Variants in SPON2 observed in about 807,000 individuals in gnomAD.
SPON2 encodes the protein spondin 2, also known as spondin-2.
In SPON2, 32 loss-of-function variants were observed where a neutral mutation model predicts 29.9. That is an observed-to-expected ratio of 1.07 (90% CI 0.81 to 1.44). The LOEUF is 1.44. Ranked by LOEUF, SPON2 falls within the 40% of genes most tolerant of loss-of-function variation. The pLI, the probability that SPON2 is intolerant of heterozygous loss-of-function variation, is 0.00. For missense variants in SPON2, 541 were observed against 455.5 expected (o/e 1.19, Z -1.71); for synonymous variants, 248 against 209.1 (o/e 1.19, Z -1.61).
At chr4:1,185,164 C>T (rs1727767827) in intron 1 of SPON2, among the ~76,000 whole-genome samples, 1 of 151,432 alleles carries the variant, frequency 6.6e-6, no homozygotes, top group South Asian at 2.1e-4. Flanking sequence ...GCCTCCGTCT[C>T]CTGGGTTCAA....
intron 1 of SPON2, among the ~76,000 whole-genome samples, chr4:1,191,382 T>C (rs1727911229): frequency 6.6e-6 from 1 of 152,138 alleles, no homozygotes; most frequent in Non-Finnish European, 1.5e-5. Flanking sequence ...CCTCAGCAAA[T>C]GGTGCTCAGA....
chr4:1,176,960 C>T (rs1271889983), upstream of SPON2, among the ~76,000 whole-genome samples: 1 of 152,220 alleles, frequency 6.6e-6, no homozygotes, highest in Non-Finnish European at 1.5e-5. Context: ...AAAGGAGTGA[C>T]CCCACTAGGC....
upstream of SPON2, among the ~76,000 whole-genome samples, chr4:1,174,434 C>T (rs1225153564): frequency 6.8e-6 from 1 of 146,252 alleles, no homozygotes; most frequent in African/African-American, 2.6e-5. Flanking sequence ...TTGTAGTGAG[C>T]CAAGATCGCG....
At chr4:1,192,886 C>T (rs1028579895) in intron 1 of SPON2, among the ~76,000 whole-genome samples, 8 of 152,162 alleles carry the variant, frequency 5.3e-5, no homozygotes, top group African/African-American at 9.7e-5. Context: ...GAAGCAAGGC[C>T]GAGTGGAAGG....
At chr4:1,186,958 A>C (rs1311436708) in intron 1 of SPON2, among the ~76,000 whole-genome samples, 2 of 152,220 alleles carry the variant, frequency 1.3e-5, no homozygotes, top group East Asian at 3.8e-4. Flanking sequence ...TCCTATGAAA[A>C]ACACGATAAG....
intron 5 of SPON2, 123 bp from the exon 6 acceptor site, chr4:1,167,779 T>C (rs1317717146): frequency 7.4e-6 from 8 of 1,079,916 alleles, no homozygotes; most frequent in Non-Finnish European, 1.0e-5. Context: ...TCGGGGGCAC[T>C]TGCGTTTCTC....
At chr4:1,174,224 T>C (rs550101081), upstream of SPON2, among the ~76,000 whole-genome samples, 1 of 150,624 alleles carries the variant, frequency 6.6e-6, no homozygotes, top group African/African-American at 2.4e-5. Flanking sequence ...GTGAGACTCA[T>C]GCCTGTAATC....
chr4:1,192,792 C>G (rs1190081514), intron 1 of SPON2, among the ~76,000 whole-genome samples: 1 of 152,208 alleles, frequency 6.6e-6, no homozygotes, highest in African/African-American at 2.4e-5. Context: ...CAGGGAGATG[C>G]CACCGGCCAA....
intron 1 of SPON2, among the ~76,000 whole-genome samples, chr4:1,186,355 G>T (rs1407495874): frequency 6.6e-6 from 1 of 151,888 alleles, no homozygotes; most frequent in African/African-American, 2.4e-5. Flanking sequence ...CCAGGCTGGG[G>T]TGCAGTGGTG....
In SPON2 at chr4:1,202,627, G is replaced by T. The variant is rs1239394095; in HGVS notation, c.-234+5253C>A. Among the ~76,000 whole-genome samples, 3 of 151,932 alleles carry T rather than the reference G, an allele frequency of 2.0e-5. No individual in the cohort carries two copies. Among genetic ancestry groups the T allele is most frequent in the Non-Finnish European group, 2.9e-5 (2 of 67,974 alleles). Reference sequence around the variant, plus strand: ...AGTCTCCTGCCTGCCGCTCTCCCAGGCTGTGCTTGCTCGCTGGTGGCCCTG... The same window carrying T: ...AGTCTCCTGCCTGCCGCTCTCCCAGTCTGTGCTTGCTCGCTGGTGGCCCTG... On this transcript the variant is annotated intron_variant, in intron 1 of 3. Coordinates refer to the SPON2 transcript ENST00000509233. The surrounding 1 kb of genome is among the most constrained non-coding windows in gnomAD (Gnocchi z 5.4).
chr4:1,167,400 A>C lies in SPON2; in HGVS notation c.*72T>G. ...ACCCCCTGTGCCCTCGGCCGCCTGC[A>C]GCATGAGCCTGCACAGGAGCCCCCG... On this transcript the variant is annotated 3_prime_UTR_variant, in exon 6 of 6. Transcript: ENST00000290902. 1 of 1,475,876 alleles carries C rather than the reference A, an allele frequency of 6.8e-7. No individual in the cohort carries two copies. Among genetic ancestry groups the C allele is most frequent in the East Asian group, 2.3e-5 (1 of 43,524 alleles). 91.4% of individuals were successfully genotyped at this position (1,475,876 alleles called of 1,614,324 possible). A position where few individuals can be genotyped will look rare whatever the true frequency, so the allele number is the denominator to read the frequency against.
chr4:1,194,781 G>A (rs1728005289), intron 1 of SPON2, among the ~76,000 whole-genome samples: 1 of 152,058 alleles, frequency 6.6e-6, no homozygotes, highest in Non-Finnish European at 1.5e-5. Context: ...GGCAGTGGAA[G>A]GAAAAACACT....
At chr4:1,201,261 C>T (rs566235022) in intron 1 of SPON2, 29 of 393,748 alleles carry the variant, frequency 7.4e-5, no homozygotes, top group Middle Eastern at 7.9e-4. Flanking sequence ...GCCCCATGCC[C>T]GCCCTACCTG....
intron 1 of SPON2, among the ~76,000 whole-genome samples, chr4:1,194,612 G>A (rs534013639): frequency 6.6e-6 from 1 of 152,190 alleles, no homozygotes; most frequent in Non-Finnish European, 1.5e-5. Context: ...GCCCCGGGAA[G>A]AGTCCCCCTG....
rs753393610 is a variant in SPON2 at position 1,170,527 on chromosome 4, C to T, written c.686G>A (p.Arg229Gln). The change falls in exon 5 of 6, where the codon CGG (arginine) becomes CAG (glutamine). Residue 229 changes from arginine (R) to glutamine (Q), a missense_variant. Transcript: ENST00000290902. ...GGCGATGGGAGGCAGGGCCTTCAGC[C>T]GCGGGTAGTAGAAGGAGTTGGCCGG... The part of the protein sequence containing the change: ...SHPANSFYYP[R>Q]LKALPPIARV... 1.8e-5 allele frequency: 29 copies of T among 1,613,784 alleles called. No homozygotes were observed. Among genetic ancestry groups the T allele is most frequent in the East Asian group, 4.5e-5 (2 of 44,882 alleles).
intron 1 of SPON2, chr4:1,200,717 G>A (rs1007780695): frequency 9.3e-6 from 4 of 431,322 alleles, no homozygotes; most frequent in Admixed American, 2.5e-5. Context: ...CGTGGACATC[G>A]CTGGACGGGG....
chr4:1,200,045 G>A (rs914918429), upstream of SPON2: 1 of 152,226 alleles, frequency 6.6e-6, no homozygotes, highest in African/African-American at 2.4e-5. Context: ...AACGGCGCAC[G>A]GCCTAGGAAA....
chr4:1,193,778 G>A (rs1484100581), intron 1 of SPON2, among the ~76,000 whole-genome samples: 1 of 31,024 alleles, frequency 3.2e-5, no homozygotes, highest in East Asian at 9.4e-4. Context: ...GGGGGGTGGC[G>A]TGGGAAGGAC....
chr4:1,167,816 A>G (rs577444119), intron 5 of SPON2, 160 bp from the exon 6 acceptor site: 1 of 683,510 alleles, frequency 1.5e-6, no homozygotes, highest in African/African-American at 1.8e-5. Context: ...GAGCGGCAAG[A>G]TGGGATGGCA....
Sources: allele counts gnomAD v4.1 joint callset (sites outside exome capture counted in the v4.1 genomes callset), GRCh38; gene constraint gnomAD v4.1.1; non-coding constraint Gnocchi (gnomAD v3.1); transcripts MANE v1.5; gene names NCBI Gene and HGNC (gene_info 2026-07-23, HGNC 2026-07-21).